ERICH1: variants seen among roughly 807,000 people sequenced by gnomAD.
ERICH1 encodes the protein glutamate-rich protein 1.
ERICH1 carries 56 observed loss-of-function variants against 39.6 expected under a neutral mutation model. The observed-to-expected ratio is 1.41, with a 90% confidence interval of 1.14 to 1.77. The LOEUF (loss-of-function observed/expected upper bound fraction) is 1.77. Ranked by LOEUF, ERICH1 falls within the 40% of genes most tolerant of loss-of-function variation. The pLI, the probability that ERICH1 is intolerant of heterozygous loss-of-function variation, is 0.00. For missense variants in ERICH1, 826 were observed against 575.4 expected (o/e 1.44, Z -4.45); for synonymous variants, 313 against 223.6 (o/e 1.40, Z -3.57).
chr8:630,249 T>A (rs1304933927), intron 3 of ERICH1, among the ~76,000 whole-genome samples: 2 of 118,560 alleles, frequency 1.7e-5, no homozygotes, highest in Non-Finnish European at 3.4e-5. Flanking sequence ...CAGAGCTGAC[T>A]CACACCCTCC....
intron 1 of ERICH1, among the ~76,000 whole-genome samples, chr8:718,052 G>A (rs947328326): frequency 6.6e-6 from 1 of 152,078 alleles, no homozygotes; most frequent in Non-Finnish European, 1.5e-5. Flanking sequence ...CAACACATCA[G>A]CGTTTGGATC....
intron 3 of ERICH1, among the ~76,000 whole-genome samples, chr8:678,977 G>A (rs958269344): frequency 4.0e-5 from 6 of 151,484 alleles, no homozygotes; most frequent in Non-Finnish European, 8.8e-5. Flanking sequence ...CTTCAGCTCC[G>A]ACCCCTCACA....
At chr8:661,620 A>G (rs561956973), downstream of ERICH1, among the ~76,000 whole-genome samples, 5 of 152,374 alleles carry the variant, frequency 3.3e-5, no homozygotes, top group African/African-American at 1.2e-4. Flanking sequence ...TCTAATTATT[A>G]TCTAACTTCA....
chr8:664,538 C>A lies in ERICH1; in HGVS notation c.*65G>T. ...GTTCCCAGAGAACTAACTCTAAGCC[C>A]ATCTCACATTTGTCTTTTAAGTTTT... On this transcript the variant is annotated 3_prime_UTR_variant, in exon 6 of 6. Transcript: ENST00000262109. The A allele has an allele frequency of 6.4e-7, 1 of 1,560,434 alleles. No homozygotes were observed. Among genetic ancestry groups the A allele is most frequent in the Non-Finnish European group, 8.7e-7 (1 of 1,154,690 alleles).
In ERICH1 at chr8:673,805, C is replaced by G. The variant is rs148512368; in HGVS notation, c.547G>C (p.Ala183Pro). ...TGGTACATGAAACTGACACCAGCAG[C>G]CTTTGCTGCCAAGCCGGCTGCTTTC... is the stretch of plus-strand genomic sequence containing the variant. The part of the protein sequence containing the change: ...RKKAAGLAAK[A>P]AGVSFMYQPE... The change falls in exon 4 of 6, where the codon GCT becomes CCT. Residue 183 changes from alanine (A) to proline (P), a missense_variant. Coordinates refer to ENST00000262109, the MANE Select transcript of ERICH1 (RefSeq NM_207332.3). The G allele has an allele frequency of 1.4e-4, 234 of 1,614,212 alleles. 2 individuals carry two copies. The African/African-American group carries it at 3.0e-3, about 21-fold the overall frequency.
chr8:708,695 T>TTTTTTTG (rs1813970274), intron 2 of ERICH1, among the ~76,000 whole-genome samples: 1 of 129,138 alleles, frequency 7.7e-6, no homozygotes, highest in Non-Finnish European at 1.7e-5. Flanking sequence ...TTTTTTTTTT[T>TTTTTTTG]TTTTTTTTTT....
At chr8:690,273 G>T (rs993017383) in intron 3 of ERICH1, among the ~76,000 whole-genome samples, 1 of 152,242 alleles carries the variant, frequency 6.6e-6, no homozygotes, top group Non-Finnish European at 1.5e-5. Context: ...CACATTCAGA[G>T]ATTACCCAAA....
chr8:695,860 C>T (rs1221706925), intron 2 of ERICH1, among the ~76,000 whole-genome samples: 11 of 120,646 alleles, frequency 9.1e-5, no homozygotes, highest in African/African-American at 3.2e-4. Context: ...CACCTGTGCT[C>T]GCTCCTCTCA....
rs778213357 is a variant in ERICH1 at position 668,743 on chromosome 8, C to T, written c.1113G>A (p.Glu371=). ...TGTGTGACGCAAGGCGGTCCAGCAG[C>T]TCCTCAGCGGCATCTGCGAGGGCAG... ...ASAALADAAE[E]LLDRLASHSM... Residue 371 remains glutamate (E), a synonymous_variant, in exon 5 of 6, where the codon GAG becomes GAA. Coordinates refer to ENST00000262109, the MANE Select transcript of ERICH1 (RefSeq NM_207332.3). 1 of 1,613,642 alleles carries T rather than the reference C, an allele frequency of 6.2e-7. No homozygotes were observed. Among genetic ancestry groups the T allele is most frequent in the Non-Finnish European group, 8.5e-7 (1 of 1,179,770 alleles).
intron 4 of ERICH1, chr8:669,006 CCT>C (rs1403092976): frequency 6.9e-6 from 4 of 577,194 alleles, no homozygotes; most frequent in South Asian, 4.3e-5. Flanking sequence ...CCCGTCTACA[CCT>C]CTGTCTGGTG....
chr8:638,677 C>G (rs980452399), intron 3 of ERICH1, among the ~76,000 whole-genome samples: 1 of 152,184 alleles, frequency 6.6e-6, no homozygotes, highest in African/African-American at 2.4e-5. Flanking sequence ...TGTTGTGTCT[C>G]CTGCCTTATG....
downstream of ERICH1, among the ~76,000 whole-genome samples, chr8:660,113 C>T (rs554304392): frequency 5.6e-4 from 84 of 148,996 alleles, no homozygotes; most frequent in South Asian, 1.9e-3. Context: ...GGGCCTTCCC[C>T]GACTCTCCCC....
Position 673,480 on chromosome 8 carries a change from T to C in ERICH1, c.872A>G (p.Lys291Arg). 6.2e-7 allele frequency: 1 copy of C among 1,608,646 alleles called. No homozygotes were observed. Among genetic ancestry groups the C allele is most frequent in the Non-Finnish European group, 8.5e-7 (1 of 1,179,158 alleles). The change falls in exon 4 of 6, where the codon AAA becomes AGA. Residue 291 changes from lysine (K) to arginine (R), a missense_variant. Coordinates refer to ENST00000262109, the MANE Select transcript of ERICH1 (RefSeq NM_207332.3). Reference sequence around the variant, plus strand: ...CGCACCGTCCTCCTCCCTGGTGTCTTTACCGTCTTCCTCCCCGGCCCGTGT... The same window carrying C: ...CGCACCGTCCTCCTCCCTGGTGTCTCTACCGTCTTCCTCCCCGGCCCGTGT... ...DLTRAGEEDG[K>R]DTREEDGADA...
In ERICH1 at chr8:715,186, G is replaced by C. The variant is rs150029695; in HGVS notation, c.169+675C>G. Among the ~76,000 whole-genome samples, 869 of 152,244 alleles carry C rather than the reference G, an allele frequency of 5.7e-3. 8 individuals carry two copies. Among genetic ancestry groups the C allele is most frequent in the African/African-American group, 0.02 (828 of 41,552 alleles). ...GGCCTCTTCCCGCATCTCTCAGTGGGATGTGGTCCACCCAGGTGGTCTCTT... is the reference window on the plus strand; with the variant it reads ...GGCCTCTTCCCGCATCTCTCAGTGGCATGTGGTCCACCCAGGTGGTCTCTT... On this transcript the variant is annotated intron_variant, in intron 2 of 5. Transcript: ENST00000262109.
chr8:674,540 G>C (rs950533256), intron 3 of ERICH1, among the ~76,000 whole-genome samples: 12 of 152,194 alleles, frequency 7.9e-5, no homozygotes, highest in African/African-American at 2.9e-4. Flanking sequence ...CTGGTCTCAA[G>C]TGATCCACCT....
intron 3 of ERICH1, among the ~76,000 whole-genome samples, chr8:636,239 G>A (rs1232595555): frequency 6.6e-6 from 1 of 152,232 alleles, no homozygotes; most frequent in Non-Finnish European, 1.5e-5. Context: ...GAGCCGAGCT[G>A]GGCGTTCACA....
chr8:711,816 A>G (rs1279305934), intron 2 of ERICH1, among the ~76,000 whole-genome samples: 1 of 152,052 alleles, frequency 6.6e-6, no homozygotes, highest in Non-Finnish European at 1.5e-5. Context: ...TTTTAGTAAG[A>G]TTTTTTTGTG....
chr8:664,477 C>CA lies in ERICH1; in HGVS notation c.*125dup. 3 of 1,311,208 alleles carry CA rather than the reference C, an allele frequency of 2.3e-6. No individual in the cohort carries two copies. The highest frequency in any genetic ancestry group is 2.9e-6 in the Non-Finnish European group (3 of 1,026,608). 81.2% of individuals were successfully genotyped at this position (1,311,208 alleles called of 1,614,324 possible). ...TGGCATCTTGCCCACCAGGAACAAA[C>CA]ACGTGAATAAATAATATGGCATAAA... On this transcript the variant is annotated 3_prime_UTR_variant, in exon 6 of 6. Coordinates refer to ENST00000262109, the MANE Select transcript of ERICH1 (RefSeq NM_207332.3).
chr8:615,589 T>C, intron 3 of ERICH1: 1 of 301,110 alleles, frequency 3.3e-6, no homozygotes, highest in Non-Finnish European at 6.1e-6. Context: ...TGGCAAATGC[T>C]ATGAACTATC....
Sources: gnomAD v4.1 joint callset for allele counts (sites outside exome capture counted in the v4.1 genomes callset) on GRCh38, gnomAD v4.1.1 for gene constraint, MANE v1.5 for transcripts, NCBI Gene and HGNC (gene_info 2026-07-23, HGNC 2026-07-21) for gene names.